Variants in AFF1 observed in about 807,000 individuals in gnomAD.
AFF1 encodes ALF transcription elongation factor 1.
Under a neutral mutation model 121.7 loss-of-function variants are expected in AFF1, and 48 were observed. The ratio of observed to expected loss-of-function variants is 0.39; its 90% CI spans 0.31 to 0.50. The LOEUF (loss-of-function observed/expected upper bound fraction) is 0.50. Among genes scored for constraint, AFF1 ranks in the 20% least tolerant of loss-of-function variants. The probability of loss-of-function intolerance (pLI) is 0.76; values close to 1 mark genes in which losing one functional copy is unlikely to be tolerated. For synonymous variants in AFF1, 613 were observed against 563.0 expected (o/e 1.09, Z -1.26); for missense variants, 1,523 against 1,511.7 (o/e 1.01, Z -0.12).
At chr4:87,106,359 G>T (rs1227950414) in intron 10 of AFF1, among the ~76,000 whole-genome samples, 1 of 152,134 alleles carries the variant, frequency 6.6e-6, no homozygotes, top group Non-Finnish European at 1.5e-5. Flanking sequence ...CTCCAGCTTG[G>T]GTGACAGAGC....
At chr4:86,952,763 C>T (rs1721450066) in intron 2 of AFF1, among the ~76,000 whole-genome samples, 1 of 151,316 alleles carries the variant, frequency 6.6e-6, no homozygotes, top group Non-Finnish European at 1.5e-5. Context: ...ATCTTGGCCC[C>T]TCTGCCTCCC....
intron 3 of AFF1, 32 bp downstream of exon 3, chr4:87,046,318 G>T (rs1229870247): frequency 1.2e-5 from 20 of 1,603,496 alleles, no homozygotes; most frequent in Non-Finnish European, 1.7e-5. Context: ...TTGAAGTCCT[G>T]ATTTATCACA....
intron 1 of AFF1, among the ~76,000 whole-genome samples, chr4:86,948,288 C>G (rs915876901): frequency 2.0e-5 from 3 of 152,086 alleles, no homozygotes; most frequent in Non-Finnish European, 4.4e-5. Context: ...GCTGAAATGG[C>G]TTTGAGAAGC....
At chr4:87,008,584 GTC>G in intron 2 of AFF1, among the ~76,000 whole-genome samples, 1 of 149,996 alleles carries the variant, frequency 6.7e-6, no homozygotes, top group East Asian at 2.0e-4. Flanking sequence ...CACAAGTTGT[GTC>G]TCTATTTTTG....
At position 87,132,378 on chromosome 4, in the gene AFF1, T is replaced by C. The variant is rs1728911458; in HGVS notation, c.3281T>C (p.Val1094Ala). 6 of 1,612,406 alleles carry C rather than the reference T, an allele frequency of 3.7e-6. No homozygotes were observed. The highest frequency in any genetic ancestry group is 3.3e-5 in the South Asian group (3 of 90,772). The change falls in exon 19 of 21, where the codon GTC (valine) becomes GCC (alanine). Residue 1094 changes from valine to alanine, a missense_variant. Around this residue, in one of 5 missense-constraint regions of AFF1, gnomAD observed 241 missense variants for 265.2 expected, o/e 0.91. Coordinates refer to ENST00000395146, the MANE Select transcript of AFF1 (RefSeq NM_001166693.3). Reference sequence around the variant, plus strand: ...AAACACTTCGAGAGTTCTTCCAAAGTCGCCCAGGCACCTTCTCCATGCATT... The same window carrying C: ...AAACACTTCGAGAGTTCTTCCAAAGCCGCCCAGGCACCTTCTCCATGCATT... ...LNKHFESSSK[V>A]AQAPSPCIAR... is the part of the protein sequence containing the mutation.
Position 87,136,804 on chromosome 4 carries a change from TATAGCAAAACTAGACTTTCAG to T in AFF1, c.*1105_*1125del, listed in dbSNP as rs1729337824. The T allele has an allele frequency of 1.4e-5, 3 of 222,180 alleles. No individual in the cohort carries two copies. The highest frequency in any genetic ancestry group is 1.1e-4 in the Admixed American group (2 of 17,414). The allele number at this position is 222,180 out of a possible 1,614,324, so 13.8% of individuals were successfully genotyped here. ...TTTTCTGCTACAAATATTTTATATT[TATAGCAAAACTAGACTTTCAG>T]AGTCCTTGATTGTCTAGGGGAAGTT... On this transcript the variant is annotated 3_prime_UTR_variant, in exon 21 of 21. Coordinates refer to ENST00000395146, the MANE Select transcript of AFF1 (RefSeq NM_001166693.3).
chr4:87,046,349 A>G, intron 3 of AFF1, 63 bp downstream of exon 3: 4 of 1,571,348 alleles, frequency 2.5e-6, no homozygotes, highest in Non-Finnish European at 3.5e-6. Context: ...CTATGATGAA[A>G]CAATTCAGTA....
At chr4:86,954,728 CAA>C (rs1291421933) in intron 2 of AFF1, among the ~76,000 whole-genome samples, 1 of 151,834 alleles carries the variant, frequency 6.6e-6, no homozygotes, top group Non-Finnish European at 1.5e-5. Context: ...GACCCTGTCT[CAA>C]AAAAATCTTA....
intron 8 of AFF1, among the ~76,000 whole-genome samples, chr4:87,099,421 C>CT (rs1353277448): frequency 6.9e-6 from 1 of 144,930 alleles, no homozygotes; most frequent in Non-Finnish European, 1.5e-5. Context: ...TTTTATTTTC[C>CT]TTTTTTGAGA....
chr4:87,120,315 CCCCAAAGA>C (rs1423586649), intron 12 of AFF1, among the ~76,000 whole-genome samples: 1 of 152,216 alleles, frequency 6.6e-6, no homozygotes, highest in East Asian at 1.9e-4. Flanking sequence ...CCCTGAATTT[CCCCAAAGA>C]CTGCTTCTCC....
At chr4:87,090,120 G>C (rs368305341) in intron 6 of AFF1, 50 bp downstream of exon 6, 8 of 1,432,632 alleles carry the variant, frequency 5.6e-6, no homozygotes, top group Non-Finnish European at 7.9e-6. Flanking sequence ...AGTGAAAAGC[G>C]TAAGGCATTG....
intron 2 of AFF1, among the ~76,000 whole-genome samples, chr4:87,026,870 CAT>C (rs1728582025): frequency 6.6e-6 from 1 of 152,052 alleles, no homozygotes; most frequent in Non-Finnish European, 1.5e-5. Flanking sequence ...GAAATAGAAC[CAT>C]AGACTCAATC....
chr4:87,114,752 G>A lies in AFF1; in HGVS notation c.1919G>A (p.Gly640Asp). 6.2e-7 allele frequency: 1 copy of A among 1,613,718 alleles called. No individual in the cohort carries two copies. Among genetic ancestry groups the A allele is most frequent in the African/African-American group, 1.3e-5 (1 of 74,964 alleles). Residue 640 changes from glycine to aspartate, a missense_variant, in exon 12 of 21, where the codon GGC becomes GAC. This residue lies in a region of AFF1 where 905 missense variants were observed against 842.5 expected (regional missense o/e 1.07). Coordinates refer to ENST00000395146, the MANE Select transcript of AFF1 (RefSeq NM_001166693.3). ...GEREPGLLPY[G>D]SRDQTSKDKP... ...AGGGAGCCAGGGCTTCTTCCCTATG[G>A]CTCCCGAGACCAGACTTCCAAAGAC... is the stretch of plus-strand genomic sequence containing the variant.
chr4:87,115,125 C>T lies in AFF1; in HGVS notation c.2292C>T (p.Pro764=). 6.2e-7 allele frequency: 1 copy of T among 1,614,182 alleles called. No individual in the cohort carries two copies. The highest frequency in any genetic ancestry group is 8.5e-7 in the Non-Finnish European group (1 of 1,180,040). The part of the protein sequence containing the change: ...KLLSPLRDTP[P]PQSLMVKITL... ...TCTCACCGCTCAGGGACACTCCTCC[C>T]CCACAAAGCTTGATGGTGAAGATCA... The change falls in exon 12 of 21, where the codon CCC becomes CCT. Residue 764 remains proline (P), a synonymous_variant. Transcript: ENST00000395146.
chr4:86,956,257 G>T (rs1311152128), intron 2 of AFF1, among the ~76,000 whole-genome samples: 1 of 152,166 alleles, frequency 6.6e-6, no homozygotes, highest in Non-Finnish European at 1.5e-5. Flanking sequence ...ATTGTCATAT[G>T]TAGTTTAAGA....
In AFF1 at chr4:86,972,683, G is replaced by A. The variant is rs116656653; in HGVS notation, c.38+24112G>A. Among the ~76,000 whole-genome samples the A allele has an allele frequency of 7.5e-3, 1,135 of 152,056 alleles. 18 individuals carry two copies. The highest frequency in any genetic ancestry group is 0.025 in the African/African-American group (1,056 of 41,454). On this transcript the variant is annotated intron_variant, in intron 2 of 20. Transcript: ENST00000395146. ...CTCTCAAGTAGCCAGGATTACAGGC[G>A]TGCACCACTACACCCAGCTAATTTT... is the stretch of plus-strand genomic sequence containing the variant.
At chr4:87,080,180 TG>T (rs1723033074) in intron 4 of AFF1, among the ~76,000 whole-genome samples, 1 of 152,136 alleles carries the variant, frequency 6.6e-6, no homozygotes, top group Non-Finnish European at 1.5e-5. Context: ...GGAGAGCTCG[TG>T]CCCTCTAGGA....
At chr4:87,037,160 A>G (rs541821194) in intron 2 of AFF1, among the ~76,000 whole-genome samples, 89 of 152,332 alleles carry the variant, frequency 5.8e-4, no homozygotes, top group African/African-American at 2.0e-3. Flanking sequence ...TTGCTATAGT[A>G]TATGAGGCTC....
chr4:87,082,150 G>A (rs983377570), intron 4 of AFF1, among the ~76,000 whole-genome samples: 4 of 152,140 alleles, frequency 2.6e-5, no homozygotes, highest in African/African-American at 7.2e-5. Flanking sequence ...CGTAGGATGA[G>A]GGGAATATTT....
Sources: allele counts gnomAD v4.1 joint callset (sites outside exome capture counted in the v4.1 genomes callset), GRCh38; gene constraint gnomAD v4.1.1; regional missense constraint gnomAD v4.1.1; transcripts MANE v1.5; gene names NCBI Gene and HGNC (gene_info 2026-07-23, HGNC 2026-07-21).